The following LRMDA variants were observed in gnomAD, a reference collection of about 807,000 sequenced individuals.
LRMDA encodes the protein leucine-rich melanocyte differentiation-associated protein.
In LRMDA, 18 loss-of-function variants were observed where a neutral mutation model predicts 29.8. That is an observed-to-expected ratio of 0.60 (90% CI 0.42 to 0.90). The LOEUF is 0.90. LRMDA is among the 40% of genes least tolerant of loss of function. LRMDA has a pLI of 0.00. For missense variants in LRMDA, 273 were observed against 273.9 expected (o/e 1.00, Z 0.02); for synonymous variants, 125 against 109.4 (o/e 1.14, Z -0.89).
At chr10:75,923,773 C>T (rs1425775876) in intron 2 of LRMDA, among the ~76,000 whole-genome samples, 1 of 152,120 alleles carries the variant, frequency 6.6e-6, no homozygotes, top group Non-Finnish European at 1.5e-5. Context: ...GTGTGTGACA[C>T]CCTTCAGAGG....
chr10:75,620,531 TC>T (rs1426729166), intron 2 of LRMDA, among the ~76,000 whole-genome samples: 1 of 152,204 alleles, frequency 6.6e-6, no homozygotes. Context: ...CAGAAGTGGT[TC>T]TTGGAGGTTG....
intron 2 of LRMDA, among the ~76,000 whole-genome samples, chr10:75,667,118 T>G (rs551729089): frequency 1.3e-5 from 2 of 152,296 alleles, no homozygotes; most frequent in East Asian, 3.9e-4. Context: ...AAATACAACT[T>G]TCATTAGAAA....
chr10:75,898,792 G>T (rs1845625902), intron 2 of LRMDA, among the ~76,000 whole-genome samples: 1 of 152,102 alleles, frequency 6.6e-6, no homozygotes. Context: ...GATAACTTTG[G>T]GATTCAATTT....
intron 6 of LRMDA, among the ~76,000 whole-genome samples, chr10:76,548,041 A>G (rs1287300906): frequency 1.3e-5 from 2 of 152,206 alleles, no homozygotes; most frequent in African/African-American, 4.8e-5. Context: ...GTTCCTGTGA[A>G]CAGGACTGAA....
intron 2 of LRMDA, among the ~76,000 whole-genome samples, chr10:75,616,335 CTGGCTCCGCCCT>C (rs1166350663): frequency 6.6e-6 from 1 of 152,174 alleles, no homozygotes; most frequent in Non-Finnish European, 1.5e-5. Context: ...TTATCTCCAC[CTGGCTCCGCCCT>C]TGACATATGG....
chr10:76,534,791 A>G (rs1055286519), intron 6 of LRMDA, among the ~76,000 whole-genome samples: 6 of 152,184 alleles, frequency 3.9e-5, no homozygotes, highest in Non-Finnish European at 7.4e-5. Flanking sequence ...TTGCCATTCA[A>G]AATATGAACA....
chr10:75,618,786 T>A, intron 2 of LRMDA, among the ~76,000 whole-genome samples: 1 of 149,874 alleles, frequency 6.7e-6, no homozygotes, highest in Admixed American at 6.6e-5. Flanking sequence ...TCTTTTTTTT[T>A]TTTTTTTGAG....
At chr10:75,458,071 C>T (rs543233564) in intron 2 of LRMDA, among the ~76,000 whole-genome samples, 5 of 152,164 alleles carry the variant, frequency 3.3e-5, no homozygotes, top group Admixed American at 6.5e-5. Context: ...CATCACAAAT[C>T]GTCTGTGAAA....
At chr10:76,169,527 C>G (rs958115673) in intron 5 of LRMDA, among the ~76,000 whole-genome samples, 7 of 152,014 alleles carry the variant, frequency 4.6e-5, no homozygotes, top group African/African-American at 1.7e-4. Flanking sequence ...CACTGAGACC[C>G]TACATTAGCA....
At chr10:75,761,679 A>C (rs1324065086) in intron 2 of LRMDA, among the ~76,000 whole-genome samples, 1 of 152,230 alleles carries the variant, frequency 6.6e-6, no homozygotes, top group Non-Finnish European at 1.5e-5. Context: ...AATACTTATA[A>C]TGGTAAATTT....
chr10:76,330,438 C>G (rs1294450496), intron 6 of LRMDA, among the ~76,000 whole-genome samples: 2 of 152,182 alleles, frequency 1.3e-5, no homozygotes, highest in East Asian at 3.9e-4. Context: ...CTCTATGTAG[C>G]ATTCCTTCCC....
chr10:75,887,839 A>C (rs1386126600), intron 2 of LRMDA, among the ~76,000 whole-genome samples: 1 of 152,100 alleles, frequency 6.6e-6, no homozygotes, highest in Non-Finnish European at 1.5e-5. Flanking sequence ...AACTTTAATC[A>C]CCTTGCTCAG....
chr10:75,916,049 A>G (rs1845926304), intron 2 of LRMDA, among the ~76,000 whole-genome samples: 1 of 152,208 alleles, frequency 6.6e-6, no homozygotes, highest in Non-Finnish European at 1.5e-5. Context: ...GTCCAGGAAG[A>G]CAGAGACTTG....
chr10:76,057,557 G>C (rs1848637149), intron 4 of LRMDA, among the ~76,000 whole-genome samples: 1 of 152,204 alleles, frequency 6.6e-6, no homozygotes, highest in Non-Finnish European at 1.5e-5. Flanking sequence ...GTAAGGTGCT[G>C]ATGGCATATT....
chr10:75,714,111 T>A (rs918332624), intron 2 of LRMDA, among the ~76,000 whole-genome samples: 1 of 152,168 alleles, frequency 6.6e-6, no homozygotes, highest in African/African-American at 2.4e-5. Flanking sequence ...CCAGAATGCA[T>A]GAACAGCTGC....
intron 2 of LRMDA, among the ~76,000 whole-genome samples, chr10:75,617,045 T>C (rs1841112319): frequency 6.6e-6 from 1 of 152,276 alleles, no homozygotes. Flanking sequence ...TGGATTAAGG[T>C]CCAGATGGTT....
At chr10:76,328,810 G>A (rs533289579) in intron 6 of LRMDA, among the ~76,000 whole-genome samples, 1 of 152,234 alleles carries the variant, frequency 6.6e-6, no homozygotes, top group African/African-American at 2.4e-5. Flanking sequence ...GAGAAAATTT[G>A]AAAACAAAAA....
intron 6 of LRMDA, among the ~76,000 whole-genome samples, chr10:76,511,111 T>C (rs886413657): frequency 3.3e-5 from 5 of 152,186 alleles, no homozygotes; most frequent in African/African-American, 9.7e-5. Context: ...CCCCATCCTA[T>C]TGGTTCAGAG....
chr10:75,518,150 T>G, intron 2 of LRMDA, among the ~76,000 whole-genome samples: 1 of 152,192 alleles, frequency 6.6e-6, no homozygotes, highest in East Asian at 1.9e-4. Flanking sequence ...GTGATATTGG[T>G]CTAAAATTCT....
Sources: gnomAD v4.1 joint callset for allele counts (sites outside exome capture counted in the v4.1 genomes callset) on GRCh38, gnomAD v4.1.1 for gene constraint, MANE v1.5 for transcripts, NCBI Gene and HGNC (gene_info 2026-07-23, HGNC 2026-07-21) for gene names.